The following BCORL1 variants were observed in gnomAD, a reference collection of about 807,000 sequenced individuals.
BCORL1 encodes BCL-6 corepressor-like protein 1.
A neutral mutation model predicts 87.6 loss-of-function variants in BCORL1; 7 were observed. The observed-to-expected ratio is 0.08, with a 90% CI of 0.05 to 0.15. The LOEUF (loss-of-function observed/expected upper bound fraction) is 0.15, where lower values mean the gene tolerates loss of function less well. BCORL1 is among the 10% of genes least tolerant of loss of function. The pLI is 1.00. For synonymous variants in BCORL1, 591 were observed against 634.4 expected (o/e 0.93, Z 1.03); for missense variants, 1,215 against 1,499.7 (o/e 0.81, Z 3.13).
rs200478600 is a variant in BCORL1, at chrX:130,013,085, G to A, written c.313G>A (p.Val105Met). Residue 105 changes from valine to methionine, a missense_variant, in exon 4 of 14, where the codon GTG becomes ATG. By Grantham distance (21) the Val-to-Met change is conservative. This residue lies in a region of BCORL1 where 861 missense variants were observed against 1,010.0 expected (regional missense o/e 0.85). Transcript: ENST00000540052. ...PQPKMDYAGN[V>M]AEAEGLLVPL... Reference sequence around the variant, plus strand: ...GCCAAAAATGGACTACGCTGGGAACGTGGCAGAGGCTGAGGGCCTCTTGGT... The same window carrying A: ...GCCAAAAATGGACTACGCTGGGAACATGGCAGAGGCTGAGGGCCTCTTGGT... 8.6e-5 allele frequency: 104 copies of A among 1,209,279 alleles called. No homozygotes were observed. The highest frequency in any genetic ancestry group is 1.1e-4 in the Non-Finnish European group (97 of 894,217).
intron 11 of BCORL1, among the ~76,000 whole-genome samples, chrX:130,045,191 C>T (rs1931670820): frequency 8.9e-6 from 1 of 112,129 alleles, no homozygotes; most frequent in Non-Finnish European, 1.9e-5. Flanking sequence ...TACCTTTGTC[C>T]CTTTGAAGAA....
In BCORL1 at chrX:130,015,938, G is replaced by A; in HGVS notation, c.3166G>A (p.Gly1056Ser). ...GCGAGTGAAAATGGAGAAGGTGGAT[G>A]GTGATGTGGTCTTCAATTTAGCCAC... is the stretch of plus-strand genomic sequence containing the variant. The part of the protein sequence containing the change: ...LGRVKMEKVD[G>S]DVVFNLATCF... The change falls in exon 4 of 14, where the codon GGT (glycine) becomes AGT (serine). Residue 1056 changes from glycine (G) to serine (S), a missense_variant. By Grantham distance (56) the Gly-to-Ser change is moderately conservative. This residue lies in a region of BCORL1 where 861 missense variants were observed against 1,010.0 expected (regional missense o/e 0.85). Transcript: ENST00000540052. 1.7e-6 allele frequency: 2 copies of A among 1,211,982 alleles called. No individual in the cohort carries two copies. The highest frequency in any genetic ancestry group is 2.2e-6 in the Non-Finnish European group (2 of 895,598).
chrX:130,049,096 G>A (rs187370807), intron 11 of BCORL1, among the ~76,000 whole-genome samples: 23 of 112,550 alleles, frequency 2.0e-4, no homozygotes, highest in Admixed American at 1.8e-3. Flanking sequence ...GAATAGAACT[G>A]CTATGAACGT....
chrX:129,985,014 C>T lies in BCORL1; in HGVS notation c.-45+2252C>T, dbSNP rs190746328. On this transcript the variant is annotated intron_variant, in intron 1 of 13. Transcript: ENST00000540052. ...AAGGGGGCCCGGTAACTTTGTGCCA[C>T]AGCTTGACTACTGTTAAGGCAGTTT... is the stretch of plus-strand genomic sequence containing the variant. Among the ~76,000 whole-genome samples the T allele has an allele frequency of 1.2e-4, 13 of 110,945 alleles. No individual in the cohort carries two copies. In the East Asian group the frequency reaches 3.4e-3, roughly 29 times the overall value.
intron 13 of BCORL1, 65 bp downstream of exon 13, chrX:130,052,081 G>A: frequency 9.5e-7 from 1 of 1,057,265 alleles, no homozygotes; most frequent in Non-Finnish European, 1.3e-6. Flanking sequence ...GGAAGGTGGA[G>A]TTCTCCACGA....
Position 130,013,636 on chromosome X carries a change from T to C in BCORL1, c.864T>C (p.Ser288=), listed in dbSNP as rs1394681256. 1 of 1,211,436 alleles carries C rather than the reference T, an allele frequency of 8.3e-7. No homozygotes were observed. The highest frequency in any genetic ancestry group is 1.1e-6 in the Non-Finnish European group (1 of 895,492). ...CAGTCTTGGTGCCTGTGCCAGCTTC[T>C]GCTCCCCCTTCAGGCCCGGTTCCCT... The part of the protein sequence containing the change: ...SASVLVPVPA[S]APPSGPVPLS... Residue 288 remains serine, a synonymous_variant, in exon 4 of 14, where the codon TCT becomes TCC. Coordinates refer to ENST00000540052, the MANE Select transcript of BCORL1 (RefSeq NM_001379451.1).
chrX:130,027,490 C>G (rs1204887742), intron 7 of BCORL1, among the ~76,000 whole-genome samples: 1 of 112,278 alleles, frequency 8.9e-6, no homozygotes, highest in Non-Finnish European at 1.9e-5. Flanking sequence ...TTGTCAATGT[C>G]ACATGTGAGA....
intron 1 of BCORL1, among the ~76,000 whole-genome samples, chrX:129,983,428 G>A (rs935331900): frequency 1.2e-5 from 1 of 83,831 alleles, no homozygotes; most frequent in Admixed American, 1.2e-4. Flanking sequence ...CTTTTTTTTG[G>A]GGGGGGGGGG....
At chrX:129,998,042 A>G (rs990743399) in intron 1 of BCORL1, among the ~76,000 whole-genome samples, 1 of 104,612 alleles carries the variant, frequency 9.6e-6, no homozygotes, top group Non-Finnish European at 1.9e-5. Flanking sequence ...ATGGCTTTGG[A>G]TTGGCAGAGC....
At chrX:130,039,478 C>T (rs1029860984) in intron 11 of BCORL1, among the ~76,000 whole-genome samples, 196 bp downstream of exon 11, 1 of 112,700 alleles carries the variant, frequency 8.9e-6, no homozygotes, top group Non-Finnish European at 1.9e-5. Flanking sequence ...TTCCTCTTAT[C>T]CCCTTACTGC....
At chrX:130,027,290 A>G (rs1434691482) in intron 7 of BCORL1, among the ~76,000 whole-genome samples, 1 of 112,856 alleles carries the variant, frequency 8.9e-6, no homozygotes, top group Non-Finnish European at 1.9e-5. Context: ...GGAGTTTAGA[A>G]CATTCTGACT....
At chrX:130,035,064 G>T (rs1930854860) in intron 9 of BCORL1, among the ~76,000 whole-genome samples, 1 of 111,146 alleles carries the variant, frequency 9.0e-6, no homozygotes, top group South Asian at 3.8e-4. Context: ...GAGGGGCCAG[G>T]ATCATGTTTG....
chrX:129,984,483 G>A (rs1011414049), intron 1 of BCORL1, among the ~76,000 whole-genome samples: 4 of 111,430 alleles, frequency 3.6e-5, no homozygotes, highest in African/African-American at 1.3e-4. Context: ...CGTGGGCTTG[G>A]CTCCTCGAGG....
chrX:130,051,770 C>G (rs1243685252), intron 12 of BCORL1, 90 bp from the exon 13 acceptor site: 56 of 919,816 alleles, frequency 6.1e-5, no homozygotes, highest in Non-Finnish European at 4.4e-5. Flanking sequence ...ACCACCACCC[C>G]TCCATGCCCC....
In BCORL1 at chrX:130,015,906, A is replaced by G; in HGVS notation, c.3134A>G (p.Asp1045Gly). The G allele has an allele frequency of 2.5e-6, 3 of 1,211,799 alleles. No homozygotes were observed. Among genetic ancestry groups the G allele is most frequent in the Non-Finnish European group, 3.3e-6 (3 of 895,594 alleles). ...TERPQLGSQV[D>G]LGRVKMEKVD... ...CGCCCACAGCTTGGAAGCCAGGTGG[A>G]TCTGGGGCGAGTGAAAATGGAGAAG... Residue 1045 changes from aspartate to glycine, a missense_variant, in exon 4 of 14, where the codon GAT (aspartate) becomes GGT (glycine). This residue lies in a region of BCORL1 where 861 missense variants were observed against 1,010.0 expected (regional missense o/e 0.85). Transcript: ENST00000540052.
rs1930813215 is a variant in BCORL1, at chrX:130,034,465, G to A, written c.4316G>A (p.Arg1439His). 3 of 982,675 alleles carry A rather than the reference G, an allele frequency of 3.1e-6. No homozygotes were observed. The highest frequency in any genetic ancestry group is 4.0e-6 in the Non-Finnish European group (3 of 755,901). The allele number at this position is 982,675 out of a possible 1,213,427, so 81.0% of individuals were successfully genotyped here. ...TVSEEAKGKG[R>H]WSQQKTRSPK... The stretch of plus-strand genomic sequence containing the variant: ...ATCTCTGCTTTCCAGGGCAAAGGTC[G>A]TTGGAGCCAGCAGAAGACACGATCT... The change falls in exon 9 of 14, where the codon CGT becomes CAT. Residue 1439 changes from arginine (R) to histidine (H), a missense_variant. Physicochemically the swap from Arg to His is conservative, Grantham distance 29 (BLOSUM62 0). Transcript: ENST00000540052.
At chrX:130,043,770 ATATATATATATATATTTTTTT>A (rs1880203098) in intron 11 of BCORL1, among the ~76,000 whole-genome samples, 1 of 18,965 alleles carries the variant, frequency 5.3e-5, no homozygotes, top group Non-Finnish European at 7.8e-5. Flanking sequence ...ATATATATAT[ATATATATATATATATTTTTTT>A]TTTTTTTTTT....
intron 1 of BCORL1, among the ~76,000 whole-genome samples, chrX:129,998,916 G>C (rs1258316241): frequency 8.9e-6 from 1 of 111,766 alleles, no homozygotes; most frequent in East Asian, 2.8e-4. Context: ...AGAAAATTGA[G>C]AGGCAAAGAT....
Position 130,013,866 on chromosome X carries a change from G to T in BCORL1, c.1094G>T (p.Gly365Val). The T allele has an allele frequency of 8.6e-7, 1 of 1,165,407 alleles. No homozygotes were observed. ...VPMPTPTPSSGPPSTPTLIPA... is the reference protein window; with the variant it reads ...VPMPTPTPSSVPPSTPTLIPA... The stretch of plus-strand genomic sequence containing the variant: ...ATGCCCACTCCAACCCCATCTTCCG[G>T]CCCACCTTCTACCCCCACCCTCATC... Residue 365 changes from glycine (G) to valine (V), a missense_variant, in exon 4 of 14, where the codon GGC becomes GTC. Transcript: ENST00000540052.
Sources: allele counts gnomAD v4.1 joint callset (sites outside exome capture counted in the v4.1 genomes callset), GRCh38; gene constraint gnomAD v4.1.1; regional missense constraint gnomAD v4.1.1; transcripts MANE v1.5; gene names NCBI Gene and HGNC (gene_info 2026-07-23, HGNC 2026-07-21).